WASHC3: variants seen among roughly 807,000 people sequenced by gnomAD.
The protein encoded by WASHC3 is WASH complex subunit CCDC53.
Under a neutral mutation model 26.1 loss-of-function variants are expected in WASHC3, and 24 were observed. That is an observed-to-expected ratio of 0.92 (90% CI 0.66 to 1.29). WASHC3 has a LOEUF of 1.29. Among genes scored for constraint, WASHC3 ranks in the 50% most tolerant of loss-of-function variants. The pLI is 0.00. For missense variants in WASHC3, 214 were observed against 229.6 expected (o/e 0.93, Z 0.44); for synonymous variants, 77 against 75.7 (o/e 1.02, Z -0.09).
chr12:102,017,365 G>A (rs1360984184), intron 6 of WASHC3, among the ~76,000 whole-genome samples: 2 of 152,090 alleles, frequency 1.3e-5, no homozygotes, highest in African/African-American at 2.4e-5. Flanking sequence ...ATACAAATAA[G>A]GCTGAACTGT....
chr12:102,025,765 A>G (rs1877156149), intron 6 of WASHC3, among the ~76,000 whole-genome samples: 1 of 151,912 alleles, frequency 6.6e-6, no homozygotes, highest in Non-Finnish European at 1.5e-5. Flanking sequence ...AATCTATTGA[A>G]ACTGTTCCTA....
At chr12:102,048,609 G>T (rs1878261392) in intron 2 of WASHC3, among the ~76,000 whole-genome samples, 1 of 150,244 alleles carries the variant, frequency 6.7e-6, no homozygotes, top group South Asian at 2.1e-4. Flanking sequence ...GTGGTTTTAG[G>T]ATCTAAGACT....
intron 5 of WASHC3, among the ~76,000 whole-genome samples, chr12:102,030,123 G>T (rs1877371028): frequency 6.6e-6 from 1 of 151,714 alleles, no homozygotes; most frequent in South Asian, 2.1e-4. Context: ...TGGAGAAACC[G>T]TGTCTCTACT....
intron 2 of WASHC3, chr12:102,050,198 C>A: frequency 2.6e-6 from 1 of 388,002 alleles, no homozygotes; most frequent in Non-Finnish European, 5.1e-6. Flanking sequence ...CCTGTAGTTC[C>A]AGCTACTTGG....
intron 5 of WASHC3, among the ~76,000 whole-genome samples, chr12:102,034,702 G>GA (rs1565815280): frequency 2.0e-5 from 3 of 151,128 alleles, no homozygotes; most frequent in Admixed American, 1.3e-4. Flanking sequence ...ATATAATAGG[G>GA]AAAAAACAGT....
At chr12:102,023,120 C>G (rs138406112) in intron 6 of WASHC3, among the ~76,000 whole-genome samples, 190 of 152,114 alleles carry the variant, frequency 1.2e-3, no homozygotes, top group Middle Eastern at 6.8e-3. Context: ...GCATTTTCTA[C>G]AGTTTTATAG....
At chr12:102,025,836 C>T in intron 6 of WASHC3, 138 bp downstream of exon 6, 2 of 623,080 alleles carry the variant, frequency 3.2e-6, no homozygotes, top group Non-Finnish European at 5.6e-6. Context: ...ACATAACAGA[C>T]ACACTATTTA....
chr12:102,013,568 T>C (rs1016461495), intron 6 of WASHC3, among the ~76,000 whole-genome samples: 2 of 152,010 alleles, frequency 1.3e-5, no homozygotes, highest in African/African-American at 4.8e-5. Flanking sequence ...AAAGGAAAGC[T>C]AGAAATGAAA....
At chr12:102,060,956 CA>C (rs56001519) in intron 2 of WASHC3, among the ~76,000 whole-genome samples, 2,853 of 55,382 alleles carry the variant, frequency 0.052, 35 homozygotes, top group African/African-American at 0.14. Flanking sequence ...CCCTGTCTCA[CA>C]AAAAAAAAAA....
At position 102,061,348 on chromosome 12, in the gene WASHC3, T is replaced by C. The variant is rs754601652; in HGVS notation, c.52-2A>G. On this transcript the variant is annotated splice_acceptor_variant, in intron 1 of 6. Transcript: ENST00000240079. LOFTEE classifies it high-confidence loss of function. ...TCTTTTCTGTTGAATAGCTGGCACC[T>C]GTGTTACGTAAAAACAAACATGGTT... 7.5e-6 allele frequency: 12 copies of C among 1,604,876 alleles called. No homozygotes were observed. Among genetic ancestry groups the C allele is most frequent in the Non-Finnish European group, 9.4e-6 (11 of 1,171,828 alleles).
intron 2 of WASHC3, chr12:102,050,536 G>A (rs1878352893): frequency 4.4e-6 from 2 of 450,730 alleles, no homozygotes; most frequent in African/African-American, 2.0e-5. Context: ...CAAGCTTCTA[G>A]GGAGGCTGAG....
At chr12:102,046,711 C>A (rs1370650080) in intron 2 of WASHC3, among the ~76,000 whole-genome samples, 1 of 152,074 alleles carries the variant, frequency 6.6e-6, no homozygotes, top group East Asian at 1.9e-4. Context: ...CAGGACAGAG[C>A]CTTTTGTTTA....
intron 6 of WASHC3, among the ~76,000 whole-genome samples, chr12:102,019,096 G>A (rs570960050): frequency 2.6e-5 from 4 of 152,180 alleles, no homozygotes; most frequent in Non-Finnish European, 5.9e-5. Flanking sequence ...ACCGCGGCTG[G>A]CCCCCTCATT....
chr12:102,050,672 T>TAAAC (rs765817923), intron 2 of WASHC3: 12 of 428,336 alleles, frequency 2.8e-5, no homozygotes, highest in Non-Finnish European at 5.5e-5. Context: ...AAAAAATTAT[T>TAAAC]AAACAAACAA....
At chr12:102,042,680 G>A (rs1223257571) in intron 4 of WASHC3, among the ~76,000 whole-genome samples, 1 of 152,136 alleles carries the variant, frequency 6.6e-6, no homozygotes, top group Non-Finnish European at 1.5e-5. Flanking sequence ...TGCATGCCTT[G>A]GTACACAGAA....
chr12:102,055,845 TA>T (rs1878573025), intron 2 of WASHC3, among the ~76,000 whole-genome samples: 1 of 152,244 alleles, frequency 6.6e-6, no homozygotes, highest in Non-Finnish European at 1.5e-5. Context: ...AGAATTTCCA[TA>T]AAATTCAATT....
intron 2 of WASHC3, chr12:102,050,465 C>T (rs1437395124): frequency 2.5e-6 from 1 of 400,744 alleles, no homozygotes; most frequent in African/African-American, 2.2e-5. Flanking sequence ...CACACACACA[C>T]ACACACACAC....
chr12:102,035,351 T>C (rs889273224), intron 5 of WASHC3, among the ~76,000 whole-genome samples: 9 of 152,322 alleles, frequency 5.9e-5, no homozygotes, highest in Admixed American at 5.9e-4. Flanking sequence ...CTGGTAGTGA[T>C]TATGCCAAGG....
chr12:102,038,471 A>G (rs981585193), intron 5 of WASHC3, among the ~76,000 whole-genome samples: 1 of 152,326 alleles, frequency 6.6e-6, no homozygotes, highest in South Asian at 2.1e-4. Flanking sequence ...AACATAAAAA[A>G]TCTTTCTGAG....
Sources: allele counts gnomAD v4.1 joint callset (sites outside exome capture counted in the v4.1 genomes callset), GRCh38; gene constraint gnomAD v4.1.1; transcripts MANE v1.5; gene names NCBI Gene and HGNC (gene_info 2026-07-23, HGNC 2026-07-21).